The following PIP5K1B variants were observed in gnomAD, a reference collection of about 807,000 sequenced individuals.
The protein encoded by PIP5K1B is phosphatidylinositol 4-phosphate 5-kinase type-1 beta.
A neutral mutation model predicts 67.0 loss-of-function variants in PIP5K1B; 42 were observed. The observed-to-expected ratio is 0.63, with a 90% confidence interval of 0.49 to 0.81. The LOEUF (loss-of-function observed/expected upper bound fraction) is 0.81. Ranked by LOEUF, PIP5K1B falls within the 30% of genes least tolerant of loss-of-function variation. The pLI is 0.00. For missense variants in PIP5K1B, 459 were observed against 646.3 expected (o/e 0.71, Z 3.14); for synonymous variants, 214 against 231.4 (o/e 0.92, Z 0.68).
intron 8 of PIP5K1B, among the ~76,000 whole-genome samples, chr9:68,910,491 GCTGAATATTTTGGTTTTCA>G (rs71793813): frequency 0.07 from 10,714 of 152,102 alleles, 815 homozygotes; most frequent in African/African-American, 0.19. Flanking sequence ...ATTCTTTATT[GCTGAATATTTTGGTTTTCA>G]CTTACTTATA....
intron 12 of PIP5K1B, among the ~76,000 whole-genome samples, chr9:68,933,688 T>C (rs939388834): frequency 3.9e-5 from 6 of 152,206 alleles, no homozygotes; most frequent in African/African-American, 1.4e-4. Flanking sequence ...GTTTGAGATA[T>C]GCAATGTGAA....
intron 1 of PIP5K1B, among the ~76,000 whole-genome samples, chr9:68,717,428 G>A (rs1827685855): frequency 6.6e-6 from 1 of 152,124 alleles, no homozygotes; most frequent in Admixed American, 6.5e-5. Context: ...TGTCTTAGGT[G>A]GTTCAGGCTG....
intron 14 of PIP5K1B, among the ~76,000 whole-genome samples, chr9:68,989,441 A>G (rs1460027769): frequency 3.9e-5 from 6 of 152,186 alleles, no homozygotes; most frequent in African/African-American, 1.4e-4. Context: ...CCTCAGCTCT[A>G]CCACCCAGGG....
intron 14 of PIP5K1B, among the ~76,000 whole-genome samples, chr9:68,947,914 G>C (rs1481056288): frequency 1.3e-5 from 2 of 152,190 alleles, no homozygotes; most frequent in Non-Finnish European, 1.5e-5. Context: ...TTGTAAGCTT[G>C]AGGAACCCAA....
intron 3 of PIP5K1B, among the ~76,000 whole-genome samples, chr9:68,821,003 C>A (rs1035621381): frequency 1.3e-5 from 2 of 152,214 alleles, no homozygotes; most frequent in African/African-American, 2.4e-5. Context: ...GTAAGCTGGG[C>A]ACAGTGCCTC....
chr9:68,842,250 G>C (rs1370143044), intron 4 of PIP5K1B, among the ~76,000 whole-genome samples: 2 of 152,186 alleles, frequency 1.3e-5, no homozygotes, highest in Non-Finnish European at 2.9e-5. Flanking sequence ...CATGGAGGCA[G>C]GGAGGGTGGA....
intron 4 of PIP5K1B, among the ~76,000 whole-genome samples, chr9:68,844,280 G>A (rs1189384581): frequency 2.6e-5 from 4 of 152,212 alleles, no homozygotes; most frequent in Admixed American, 6.5e-5. Context: ...ATAGGTTAGC[G>A]TTGTTGGAAA....
At chr9:68,761,380 A>C (rs1448985902) in intron 2 of PIP5K1B, among the ~76,000 whole-genome samples, 1 of 152,116 alleles carries the variant, frequency 6.6e-6, no homozygotes, top group Admixed American at 6.6e-5. Flanking sequence ...AAATACTCAC[A>C]TGCTTTAGAG....
intron 1 of PIP5K1B, chr9:68,727,600 T>G (rs531389230): frequency 2.0e-5 from 3 of 152,300 alleles, no homozygotes; most frequent in South Asian, 2.1e-4. Context: ...TTCTAGGTAC[T>G]TTCTAAACAA....
At chr9:68,780,911 C>T (rs776497650) in intron 2 of PIP5K1B, 1 of 1,614,262 alleles carries the variant, frequency 6.2e-7, no homozygotes, top group South Asian at 1.1e-5. Flanking sequence ...GAAACAGCAG[C>T]AGTGCCGGAT....
intron 1 of PIP5K1B, among the ~76,000 whole-genome samples, chr9:68,716,809 A>G (rs1489790260): frequency 1.3e-5 from 2 of 152,238 alleles, no homozygotes; most frequent in Non-Finnish European, 2.9e-5. Flanking sequence ...TTGCAGCGCT[A>G]TTCATAATAG....
chr9:68,895,353 C>T (rs1034739356), intron 8 of PIP5K1B, among the ~76,000 whole-genome samples: 4 of 150,598 alleles, frequency 2.7e-5, no homozygotes, highest in African/African-American at 9.8e-5. Context: ...AAGAAAAATG[C>T]AGTGCTAATA....
chr9:68,711,678 T>A (rs1404342107), intron 1 of PIP5K1B, among the ~76,000 whole-genome samples: 5 of 152,252 alleles, frequency 3.3e-5, no homozygotes, highest in Admixed American at 6.5e-5. Flanking sequence ...GTCCTTTTTT[T>A]AAATCATAAA....
chr9:68,783,206 A>G, intron 2 of PIP5K1B: 1 of 167,230 alleles, frequency 6.0e-6, no homozygotes. Context: ...CTCAGATAGA[A>G]GGACCTTTAT....
chr9:68,790,984 T>C (rs900378632), intron 2 of PIP5K1B, among the ~76,000 whole-genome samples: 1 of 152,198 alleles, frequency 6.6e-6, no homozygotes, highest in Non-Finnish European at 1.5e-5. Context: ...GCAACATGAC[T>C]GAAAGTAGAG....
intron 14 of PIP5K1B, among the ~76,000 whole-genome samples, chr9:68,949,726 G>C (rs1444345646): frequency 6.6e-6 from 1 of 152,136 alleles, no homozygotes. Context: ...TATGTGAATC[G>C]GGCAGCCCCC....
chr9:68,875,067 A>G (rs1421276546), intron 5 of PIP5K1B, among the ~76,000 whole-genome samples: 1 of 152,136 alleles, frequency 6.6e-6, no homozygotes, highest in Non-Finnish European at 1.5e-5. Flanking sequence ...GCACTGGGGC[A>G]TCATGCATAC....
chr9:69,003,226 G>C (rs1156232584), intron 15 of PIP5K1B, among the ~76,000 whole-genome samples: 1 of 151,950 alleles, frequency 6.6e-6, no homozygotes, highest in Non-Finnish European at 1.5e-5. Flanking sequence ...GAAATAGAAA[G>C]GAAACAGAGC....
intron 6 of PIP5K1B, among the ~76,000 whole-genome samples, chr9:68,878,041 G>GTGTGTA (rs1353973993): frequency 1.3e-5 from 2 of 151,778 alleles, no homozygotes; most frequent in African/African-American, 2.4e-5. Flanking sequence ...GTGTGTGTGT[G>GTGTGTA]TGTGTGTGTG....
Sources: gnomAD v4.1 joint callset for allele counts (sites outside exome capture counted in the v4.1 genomes callset) on GRCh38, gnomAD v4.1.1 for gene constraint, MANE v1.5 for transcripts, NCBI Gene and HGNC (gene_info 2026-07-23, HGNC 2026-07-21) for gene names.